The following PKP4 variants were observed in gnomAD, a reference collection of about 807,000 sequenced individuals.
PKP4 encodes plakophilin 4.
In PKP4, 90 loss-of-function variants were observed where a neutral mutation model predicts 145.1. That is an observed-to-expected ratio of 0.62 (90% CI 0.52 to 0.74). The LOEUF is 0.74. Among genes scored for constraint, PKP4 ranks in the 30% least tolerant of loss-of-function variants. The probability of loss-of-function intolerance (pLI) is 0.00; values close to 1 mark genes in which losing one functional copy is unlikely to be tolerated. For missense variants in PKP4, 1,340 were observed against 1,482.7 expected (o/e 0.90, Z 1.58); for synonymous variants, 563 against 577.2 (o/e 0.98, Z 0.35).
chr2:158,504,595 GT>G (rs1697046449), intron 1 of PKP4, among the ~76,000 whole-genome samples: 1 of 151,944 alleles, frequency 6.6e-6, no homozygotes, highest in Admixed American at 6.6e-5. Flanking sequence ...ACTAGAATAG[GT>G]AGTATTAACT....
intron 1 of PKP4, among the ~76,000 whole-genome samples, chr2:158,470,200 A>C (rs1691329705): frequency 7.0e-6 from 1 of 143,502 alleles, no homozygotes; most frequent in Non-Finnish European, 1.6e-5. Flanking sequence ...TCTTTGAGTG[A>C]ATGAATACTT....
At chr2:158,529,752 C>G (rs918963398) in intron 1 of PKP4, among the ~76,000 whole-genome samples, 7 of 152,214 alleles carry the variant, frequency 4.6e-5, no homozygotes, top group Admixed American at 4.6e-4. Flanking sequence ...CTGAGCTAAC[C>G]TAAATACAGG....
intron 1 of PKP4, among the ~76,000 whole-genome samples, chr2:158,471,613 T>G (rs1429699943): frequency 6.6e-6 from 1 of 152,254 alleles, no homozygotes; most frequent in Non-Finnish European, 1.5e-5. Flanking sequence ...AAGATTCATC[T>G]CTTCTAGTTG....
At chr2:158,544,126 C>T (rs1296375543) in intron 2 of PKP4, among the ~76,000 whole-genome samples, 6 of 152,172 alleles carry the variant, frequency 3.9e-5, no homozygotes. Context: ...CTTGCCAGGG[C>T]TTACTAGAGC....
At chr2:158,656,006 T>C (rs1432456423) in intron 11 of PKP4, among the ~76,000 whole-genome samples, 2 of 152,250 alleles carry the variant, frequency 1.3e-5, no homozygotes, top group African/African-American at 4.8e-5. Flanking sequence ...CCAAAAAAAG[T>C]GTTTCTCATG....
chr2:158,562,902 A>G (rs74905519), intron 2 of PKP4, among the ~76,000 whole-genome samples: 5,531 of 152,252 alleles, frequency 0.036, 240 homozygotes, highest in African/African-American at 0.1. Flanking sequence ...GATTAGGTAG[A>G]TATAAGATTA....
chr2:158,623,216 G>C (rs1000946075), intron 6 of PKP4, among the ~76,000 whole-genome samples: 6 of 152,058 alleles, frequency 3.9e-5, no homozygotes, highest in Non-Finnish European at 7.4e-5. Flanking sequence ...CTGTCACCCA[G>C]GCTGGAGTAC....
chr2:158,649,829 G>A (rs1279097027), intron 11 of PKP4, among the ~76,000 whole-genome samples: 1 of 152,202 alleles, frequency 6.6e-6, no homozygotes, highest in African/African-American at 2.4e-5. Context: ...GGAATATGGA[G>A]ACCCCAGGCC....
At chr2:158,481,379 T>A (rs887723924) in intron 1 of PKP4, among the ~76,000 whole-genome samples, 5 of 152,238 alleles carry the variant, frequency 3.3e-5, no homozygotes, top group African/African-American at 1.2e-4. Context: ...TGTGAACATA[T>A]GTTTTTAGTT....
chr2:158,543,514 A>T (rs1574396360), intron 2 of PKP4, among the ~76,000 whole-genome samples: 1 of 152,318 alleles, frequency 6.6e-6, no homozygotes, highest in South Asian at 2.1e-4. Flanking sequence ...TGCAGTTGTG[A>T]ATGTTCATAG....
Position 158,469,743 on chromosome 2 carries a change from G to A in PKP4, c.-6+12525G>A, listed in dbSNP as rs535846620. Among the ~76,000 whole-genome samples, 5 of 152,274 alleles carry A rather than the reference G, an allele frequency of 3.3e-5. No homozygotes were observed. In the East Asian group the frequency reaches 9.6e-4, roughly 29 times the overall value. Reference sequence around the variant, plus strand: ...ATCAGTCCTAAAATATAGCTATACAGTAACATTCATTTTTAATATGGTGCT... The same window carrying A: ...ATCAGTCCTAAAATATAGCTATACAATAACATTCATTTTTAATATGGTGCT... On this transcript the variant is annotated intron_variant, in intron 1 of 21. Transcript: ENST00000389759.
Position 158,681,022 on chromosome 2 carries a change from T to C in PKP4, c.*345T>C, listed in dbSNP as rs1460362529. 5.0e-6 allele frequency: 1 copy of C among 200,698 alleles called. No individual in the cohort carries two copies. Among genetic ancestry groups the C allele is most frequent in the East Asian group, 1.2e-4 (1 of 8,284 alleles). The allele number at this position is 200,698 out of a possible 1,614,324, so 12.4% of individuals were successfully genotyped here. A position where few individuals can be genotyped will look rare whatever the true frequency, so the allele number is the denominator to read the frequency against. Reference sequence around the variant, plus strand: ...GATTTTTTTAATGTGAATAAAGTTATGTTCTGATAGTTTGTACAGAAAAAA... The same window carrying C: ...GATTTTTTTAATGTGAATAAAGTTACGTTCTGATAGTTTGTACAGAAAAAA... On this transcript the variant is annotated 3_prime_UTR_variant, in exon 22 of 22. Coordinates refer to ENST00000389759, the MANE Select transcript of PKP4 (RefSeq NM_003628.6).
intron 3 of PKP4, among the ~76,000 whole-genome samples, chr2:158,588,067 A>G (rs10489983): frequency 0.73 from 111,057 of 151,960 alleles, 41,769 homozygotes; most frequent in East Asian, 0.92. Context: ...TATCATAGAC[A>G]TTAAACTGTT....
In PKP4 at chr2:158,656,004, A is replaced by G. The variant is rs2055876152; in HGVS notation, c.1910-2127A>G. On this transcript the variant is annotated intron_variant, in intron 11 of 21. Coordinates refer to ENST00000389759, the MANE Select transcript of PKP4 (RefSeq NM_003628.6). ...TTGGTCAGGACAGACTGCCAAAAAA[A>G]GTGTTTCTCATGCTTAGCTCCCGGA... Among the ~76,000 whole-genome samples the G allele has an allele frequency of 3.9e-5, 6 of 152,236 alleles. No individual in the cohort carries two copies. In the South Asian group the frequency reaches 1.2e-3, roughly 32 times the overall value.
intron 2 of PKP4, among the ~76,000 whole-genome samples, chr2:158,543,349 G>T (rs1404986736): frequency 1.3e-5 from 2 of 152,070 alleles, no homozygotes; most frequent in Non-Finnish European, 2.9e-5. Flanking sequence ...TTACATTAGT[G>T]GTAGAGGCTA....
At chr2:158,576,914 G>T (rs370340632) in intron 2 of PKP4, among the ~76,000 whole-genome samples, 1 of 152,064 alleles carries the variant, frequency 6.6e-6, no homozygotes, top group African/African-American at 2.4e-5. Context: ...ACTAGCCATT[G>T]TTTGCTGTGT....
chr2:158,627,889 T>C (rs1214613164), intron 7 of PKP4, among the ~76,000 whole-genome samples: 5 of 151,828 alleles, frequency 3.3e-5, no homozygotes, highest in African/African-American at 9.6e-5. Flanking sequence ...ATCAGTGTTT[T>C]CCATTATTTG....
intron 1 of PKP4, among the ~76,000 whole-genome samples, chr2:158,498,684 G>A (rs1400473063): frequency 6.6e-6 from 1 of 152,306 alleles, no homozygotes; most frequent in Non-Finnish European, 1.5e-5. Context: ...AGTGGAGATA[G>A]GTTGATAGGG....
intron 1 of PKP4, among the ~76,000 whole-genome samples, chr2:158,511,001 G>A (rs571780309): frequency 6.6e-6 from 1 of 152,334 alleles, no homozygotes; most frequent in East Asian, 1.9e-4. Flanking sequence ...AGACCACAGA[G>A]TGGTAGGGGA....
Sources: allele counts gnomAD v4.1 joint callset (sites outside exome capture counted in the v4.1 genomes callset), GRCh38; gene constraint gnomAD v4.1.1; transcripts MANE v1.5; gene names NCBI Gene and HGNC (gene_info 2026-07-23, HGNC 2026-07-21).